ROBO2: variants seen among roughly 807,000 people sequenced by gnomAD.
The protein encoded by ROBO2 is roundabout guidance receptor 2.
In ROBO2, 53 loss-of-function variants were observed where a neutral mutation model predicts 160.8. The ratio of observed to expected loss-of-function variants is 0.33; its 90% CI spans 0.26 to 0.41. The LOEUF (loss-of-function observed/expected upper bound fraction) is 0.41, where lower values mean the gene tolerates loss of function less well. ROBO2 is among the 10% of genes least tolerant of loss of function. The pLI is 1.00. For synonymous variants in ROBO2, 664 were observed against 611.7 expected (o/e 1.09, Z -1.26); for missense variants, 1,577 against 1,722.4 (o/e 0.92, Z 1.49).
intron 2 of ROBO2, among the ~76,000 whole-genome samples, chr3:77,176,343 C>T (rs560707875): frequency 2.6e-5 from 4 of 152,084 alleles, no homozygotes; most frequent in South Asian, 2.1e-4. Flanking sequence ...TGAAAATACT[C>T]GGACGGATTT....
At chr3:77,032,608 A>T (rs936785086) in intron 2 of ROBO2, among the ~76,000 whole-genome samples, 20 of 152,160 alleles carry the variant, frequency 1.3e-4, no homozygotes, top group African/African-American at 4.1e-4. Flanking sequence ...GCACAGGTGA[A>T]GTCCTAAAAC....
intron 2 of ROBO2, among the ~76,000 whole-genome samples, chr3:77,447,720 C>A (rs1236784868): frequency 1.3e-5 from 2 of 152,128 alleles, no homozygotes; most frequent in Non-Finnish European, 2.9e-5. Flanking sequence ...ATCTCATCTG[C>A]TGGTTCCCAA....
intron 2 of ROBO2, among the ~76,000 whole-genome samples, chr3:76,880,976 G>A (rs1032803482): frequency 6.6e-6 from 1 of 152,112 alleles, no homozygotes; most frequent in African/African-American, 2.4e-5. Context: ...GTGCTCAGAT[G>A]CCTCTAATTA....
At chr3:76,677,743 A>G (rs2092446840) in intron 2 of ROBO2, among the ~76,000 whole-genome samples, 3 of 152,104 alleles carry the variant, frequency 2.0e-5, no homozygotes, top group Non-Finnish European at 4.4e-5. Context: ...TTTAAAATAT[A>G]TAGAAGCTTA....
At chr3:76,098,486 T>A (rs1168589709) in intron 2 of ROBO2, among the ~76,000 whole-genome samples, 11 of 152,238 alleles carry the variant, frequency 7.2e-5, no homozygotes, top group Admixed American at 2.0e-4. Context: ...ATATACTAAA[T>A]AAAATCATTA....
intron 2 of ROBO2, among the ~76,000 whole-genome samples, chr3:76,959,859 GA>G (rs1264070932): frequency 6.6e-6 from 1 of 151,992 alleles, no homozygotes; most frequent in African/African-American, 2.4e-5. Context: ...TTAAGCATAT[GA>G]AAAAATATGA....
intron 2 of ROBO2, among the ~76,000 whole-genome samples, chr3:77,364,593 G>T (rs2070553358): frequency 6.6e-6 from 1 of 152,102 alleles, no homozygotes; most frequent in Non-Finnish European, 1.5e-5. Flanking sequence ...TCAGAACACT[G>T]GTTCTCATAT....
intron 2 of ROBO2, among the ~76,000 whole-genome samples, chr3:76,492,817 C>A (rs577101669): frequency 6.6e-6 from 1 of 151,960 alleles, no homozygotes; most frequent in African/African-American, 2.4e-5. Flanking sequence ...AGAAAGAACA[C>A]GACTGAATGA....
At chr3:76,389,138 T>C (rs2077030929) in intron 2 of ROBO2, among the ~76,000 whole-genome samples, 1 of 152,224 alleles carries the variant, frequency 6.6e-6, no homozygotes, top group African/African-American at 2.4e-5. Context: ...ACCTTATACA[T>C]TGATTTTGGG....
chr3:76,971,138 G>A (rs754365556), intron 2 of ROBO2, among the ~76,000 whole-genome samples: 1 of 152,034 alleles, frequency 6.6e-6, no homozygotes, highest in African/African-American at 2.4e-5. Flanking sequence ...AATAAACTAC[G>A]CTAGAAAAAT....
At chr3:77,203,318 G>C (rs2083092518) in intron 2 of ROBO2, among the ~76,000 whole-genome samples, 3 of 152,108 alleles carry the variant, frequency 2.0e-5, no homozygotes, top group African/African-American at 7.2e-5. Context: ...CATGTCTTGA[G>C]GGTGATTGAT....
At chr3:76,214,360 G>A (rs757759780) in intron 2 of ROBO2, among the ~76,000 whole-genome samples, 1 of 152,136 alleles carries the variant, frequency 6.6e-6, no homozygotes, top group Admixed American at 6.5e-5. Context: ...AAAGCAGGAC[G>A]AGGCATTGCC....
chr3:77,072,123 C>A (rs2067485861), intron 1 of ROBO2, among the ~76,000 whole-genome samples: 1 of 152,074 alleles, frequency 6.6e-6, no homozygotes, highest in Non-Finnish European at 1.5e-5. Context: ...GGAGCGAGAA[C>A]CCTGTTTGTG....
chr3:77,224,655 A>T (rs1052371631), intron 2 of ROBO2, among the ~76,000 whole-genome samples: 2 of 151,776 alleles, frequency 1.3e-5, no homozygotes, highest in African/African-American at 4.8e-5. Flanking sequence ...TTTATTTGGA[A>T]GGTGTTTTTT....
intron 2 of ROBO2, among the ~76,000 whole-genome samples, chr3:77,129,721 T>C (rs1000103780): frequency 5.3e-5 from 8 of 152,204 alleles, no homozygotes; most frequent in Admixed American, 2.6e-4. Flanking sequence ...TTGCAGTTTT[T>C]GGTGCATCTC....
At chr3:76,551,250 T>A (rs527907804) in intron 2 of ROBO2, among the ~76,000 whole-genome samples, 10 of 151,934 alleles carry the variant, frequency 6.6e-5, no homozygotes, top group African/African-American at 2.4e-4. Flanking sequence ...GTCTCCTCAA[T>A]TCGTAAGAAC....
chr3:77,219,784 A>G (rs973556477), intron 2 of ROBO2, among the ~76,000 whole-genome samples: 5 of 151,770 alleles, frequency 3.3e-5, no homozygotes, highest in Middle Eastern at 3.4e-3. Flanking sequence ...GCCCTTTACT[A>G]ATTTCAGTCC....
intron 2 of ROBO2, among the ~76,000 whole-genome samples, chr3:76,741,950 G>T (rs2093808380): frequency 6.6e-6 from 1 of 151,966 alleles, no homozygotes; most frequent in South Asian, 2.1e-4. Context: ...TATGTCTATA[G>T]TTATCTGTGA....
chr3:76,025,776 G>A (rs1189685347), intron 2 of ROBO2, among the ~76,000 whole-genome samples: 2 of 151,728 alleles, frequency 1.3e-5, no homozygotes, highest in Admixed American at 6.6e-5. Flanking sequence ...GCTCTGTAAT[G>A]TCTGGCTCCT....
Sources: gnomAD v4.1 joint callset for allele counts (sites outside exome capture counted in the v4.1 genomes callset) on GRCh38, gnomAD v4.1.1 for gene constraint, MANE v1.5 for transcripts, NCBI Gene and HGNC (gene_info 2026-07-23, HGNC 2026-07-21) for gene names.